The following DYNC1I1 variants were observed in gnomAD, a reference collection of about 807,000 sequenced individuals.
DYNC1I1 encodes cytoplasmic dynein 1 intermediate chain 1.
A neutral mutation model predicts 86.6 loss-of-function variants in DYNC1I1; 43 were observed. The ratio of observed to expected loss-of-function variants is 0.50; its 90% CI spans 0.39 to 0.64. DYNC1I1 has a LOEUF of 0.64. Among genes scored for constraint, DYNC1I1 ranks in the 30% least tolerant of loss-of-function variants. DYNC1I1 has a pLI of 0.00. For missense variants in DYNC1I1, 604 were observed against 788.8 expected, an observed-to-expected ratio of 0.77 and a Z score of 2.81; for synonymous variants, 262 against 283.7, an observed-to-expected ratio of 0.92 and a Z score of 0.77.
intron 5 of DYNC1I1, among the ~76,000 whole-genome samples, chr7:95,836,774 T>A (rs1207302216): frequency 6.6e-6 from 1 of 152,216 alleles, no homozygotes; most frequent in Non-Finnish European, 1.5e-5. Flanking sequence ...TCCTGAGGCT[T>A]CTGCATTCTT....
intron 6 of DYNC1I1, among the ~76,000 whole-genome samples, chr7:95,976,103 C>A (rs566139454): frequency 2.0e-5 from 3 of 152,146 alleles, no homozygotes; most frequent in South Asian, 4.2e-4. Flanking sequence ...ATTTTAGGTG[C>A]GACTTTTCAT....
In DYNC1I1 at chr7:95,828,092, A is replaced by G. The variant is rs1289154946; in HGVS notation, c.350A>G (p.Gln117Arg). 1.2e-6 allele frequency: 2 copies of G among 1,613,840 alleles called. No homozygotes were observed. Residue 117 changes from glutamine (Q) to arginine (R), a missense_variant, in exon 5 of 17, where the codon CAG becomes CGG. Gln to Arg is a conservative substitution (Grantham distance 43). Transcript: ENST00000447467. ...TGGGACACAGACCCCTCAGTGCTCC[A>G]GCTGCAGTCAGACTCAGAACTTGGG... is the stretch of plus-strand genomic sequence containing the variant. ...LQWDTDPSVL[Q>R]LQSDSELGRR...
intron 1 of DYNC1I1, among the ~76,000 whole-genome samples, chr7:95,773,625 T>C (rs1793766219): frequency 6.6e-6 from 1 of 152,324 alleles, no homozygotes; most frequent in African/African-American, 2.4e-5. Context: ...TATTCTGGCC[T>C]CTACTAATCC....
chr7:95,985,209 G>T (rs17167270), intron 8 of DYNC1I1, among the ~76,000 whole-genome samples: 4 of 152,008 alleles, frequency 2.6e-5, no homozygotes, highest in Admixed American at 2.6e-4. Flanking sequence ...GGTATCTGGG[G>T]AACAGTCCAG....
chr7:96,017,564 G>A (rs1034846374), intron 10 of DYNC1I1, among the ~76,000 whole-genome samples: 1 of 152,130 alleles, frequency 6.6e-6, no homozygotes, highest in African/African-American at 2.4e-5. Context: ...TTTTGCTGAA[G>A]ATGATTCTCT....
intron 6 of DYNC1I1, among the ~76,000 whole-genome samples, chr7:95,872,621 C>T (rs994735799): frequency 6.6e-6 from 1 of 152,098 alleles, no homozygotes; most frequent in African/African-American, 2.4e-5. Flanking sequence ...TTATGAGAAA[C>T]ACTCCAGACA....
chr7:95,940,560 A>G (rs1422069820), intron 6 of DYNC1I1, among the ~76,000 whole-genome samples: 1 of 151,886 alleles, frequency 6.6e-6, no homozygotes, highest in Admixed American at 6.6e-5. Flanking sequence ...ATCTTCCATC[A>G]CTGATACCCT....
intron 6 of DYNC1I1, among the ~76,000 whole-genome samples, chr7:95,875,665 T>C (rs1790291533): frequency 6.6e-6 from 1 of 152,228 alleles, no homozygotes. Context: ...TGAGGGACTC[T>C]GGCCTTGTGC....
In DYNC1I1 at chr7:96,097,997, AC is replaced by A; in HGVS notation, c.*405del. On this transcript the variant is annotated 3_prime_UTR_variant, in exon 17 of 17. Transcript: ENST00000447467. Reference sequence around the variant, plus strand: ...GATGTGGTGTTCCTCATATTATGGTACAGGGCCAAAGACTTGAGACGTGGTG... The same window carrying A: ...GATGTGGTGTTCCTCATATTATGGTAAGGGCCAAAGACTTGAGACGTGGTG... The A allele has an allele frequency of 1.0e-6, 1 of 996,554 alleles. No individual in the cohort carries two copies. The highest frequency in any genetic ancestry group is 1.2e-6 in the Non-Finnish European group (1 of 836,214). 61.7% of individuals were successfully genotyped at this position (996,554 alleles called of 1,614,324 possible).
At chr7:95,834,950 G>T (rs1222558374) in intron 5 of DYNC1I1, among the ~76,000 whole-genome samples, 1 of 150,140 alleles carries the variant, frequency 6.7e-6, no homozygotes, top group Admixed American at 6.7e-5. Context: ...TTTTTGAAGG[G>T]TTTTTTGTGT....
chr7:95,976,029 T>C (rs1354914127), intron 6 of DYNC1I1, among the ~76,000 whole-genome samples: 1 of 152,216 alleles, frequency 6.6e-6, no homozygotes, highest in Non-Finnish European at 1.5e-5. Flanking sequence ...AGATATGCTA[T>C]TTATAACTTA....
At chr7:95,890,634 A>G (rs905896357) in intron 6 of DYNC1I1, among the ~76,000 whole-genome samples, 2 of 152,208 alleles carry the variant, frequency 1.3e-5, no homozygotes, top group Non-Finnish European at 2.9e-5. Context: ...ATGCTCTTTA[A>G]AGTATGTTAA....
intron 6 of DYNC1I1, among the ~76,000 whole-genome samples, chr7:95,896,514 A>G (rs1463208146): frequency 6.6e-6 from 1 of 152,146 alleles, no homozygotes; most frequent in Non-Finnish European, 1.5e-5. Context: ...TACTATTCCT[A>G]TTTTCAGAGA....
chr7:96,046,170 A>G (rs1392086911), intron 14 of DYNC1I1, among the ~76,000 whole-genome samples: 3 of 152,170 alleles, frequency 2.0e-5, no homozygotes. Context: ...CCAAGCAGCC[A>G]TTTTCATCCA....
At chr7:95,975,308 G>A (rs910815118) in intron 6 of DYNC1I1, among the ~76,000 whole-genome samples, 2 of 152,198 alleles carry the variant, frequency 1.3e-5, no homozygotes, top group Non-Finnish European at 1.5e-5. Flanking sequence ...ATGCCTCACA[G>A]TTCTGGAGGC....
chr7:95,884,498 A>T (rs1371257851), intron 6 of DYNC1I1, among the ~76,000 whole-genome samples: 1 of 152,098 alleles, frequency 6.6e-6, no homozygotes, highest in Non-Finnish European at 1.5e-5. Flanking sequence ...CCAGTGAGCA[A>T]GGAAGGAAAC....
chr7:96,029,474 G>T (rs753985294), intron 11 of DYNC1I1, among the ~76,000 whole-genome samples: 2 of 152,180 alleles, frequency 1.3e-5, no homozygotes, highest in Admixed American at 6.5e-5. Flanking sequence ...AAATCCAAAT[G>T]TTAGAACATT....
chr7:95,960,461 G>T (rs546082069), intron 6 of DYNC1I1, among the ~76,000 whole-genome samples: 1 of 152,280 alleles, frequency 6.6e-6, no homozygotes, highest in African/African-American at 2.4e-5. Flanking sequence ...ATTTCAGAAT[G>T]CTGACATCAA....
intron 14 of DYNC1I1, among the ~76,000 whole-genome samples, chr7:96,064,176 C>A (rs917290230): frequency 6.6e-6 from 1 of 151,334 alleles, no homozygotes; most frequent in Non-Finnish European, 1.5e-5. Context: ...CCAGACCAAA[C>A]ATATCAGAAT....
Sources: allele counts gnomAD v4.1 joint callset (sites outside exome capture counted in the v4.1 genomes callset), GRCh38; gene constraint gnomAD v4.1.1; transcripts MANE v1.5; gene names NCBI Gene and HGNC (gene_info 2026-07-23, HGNC 2026-07-21).